The following PUDP variants were observed in gnomAD, a reference collection of about 807,000 sequenced individuals.
PUDP encodes pseudouridine-5'-phosphatase.
PUDP carries 8 observed loss-of-function variants against 9.4 expected under a neutral mutation model. That is an observed-to-expected ratio of 0.85 (90% CI 0.50 to 1.53). The LOEUF (loss-of-function observed/expected upper bound fraction) is 1.53. Among genes scored for constraint, PUDP ranks in the 40% most tolerant of loss-of-function variants. PUDP has a pLI of 0.00. For synonymous variants in PUDP, 99 were observed against 80.7 expected (o/e 1.23, Z -1.22); for missense variants, 188 against 189.7 (o/e 0.99, Z 0.05).
At chrX:6,815,014 T>C (rs188973700) in intron 3 of PUDP, among the ~76,000 whole-genome samples, 55 of 111,437 alleles carry the variant, frequency 4.9e-4, no homozygotes, top group Non-Finnish European at 8.8e-4. Flanking sequence ...ATATAGACAC[T>C]TTTTCTTGTT....
intron 1 of PUDP, among the ~76,000 whole-genome samples, chrX:7,011,129 T>C (rs769070352): frequency 1.7e-4 from 19 of 112,194 alleles, no homozygotes; most frequent in Non-Finnish European, 3.2e-4. Flanking sequence ...AGATATTGAG[T>C]ACATTTCTCC....
intron 1 of PUDP, chrX:7,117,061 G>A (rs986076416): frequency 1.6e-5 from 19 of 1,162,118 alleles, no homozygotes; most frequent in Admixed American, 2.6e-5. Flanking sequence ...CAATTAAACC[G>A]TTGTTCTTCT....
chrX:7,006,997 C>T (rs1369354614), intron 1 of PUDP, among the ~76,000 whole-genome samples: 1 of 111,575 alleles, frequency 9.0e-6, no homozygotes, highest in Admixed American at 9.5e-5. Flanking sequence ...TTTCCCCATG[C>T]TACTGAAATG....
At chrX:6,729,844 C>A (rs61497898) in intron 3 of PUDP, among the ~76,000 whole-genome samples, 1 of 110,100 alleles carries the variant, frequency 9.1e-6, no homozygotes, top group Non-Finnish European at 1.9e-5. Flanking sequence ...TCTTACGTGC[C>A]CACCTTATCT....
intron 1 of PUDP, among the ~76,000 whole-genome samples, chrX:7,146,892 C>G (rs1425144918): frequency 1.0e-5 from 1 of 98,713 alleles, no homozygotes; most frequent in African/African-American, 3.8e-5. Flanking sequence ...TCCTAACTTG[C>G]AGGGTTTTGA....
At chrX:6,734,276 T>C (rs1176340448) in intron 3 of PUDP, among the ~76,000 whole-genome samples, 2 of 111,956 alleles carry the variant, frequency 1.8e-5, no homozygotes, top group African/African-American at 3.2e-5. Flanking sequence ...AGATCTCTTA[T>C]GCAGCAAGGT....
At chrX:6,858,921 G>A (rs1926955892) in intron 3 of PUDP, among the ~76,000 whole-genome samples, 1 of 111,728 alleles carries the variant, frequency 9.0e-6, no homozygotes, top group African/African-American at 3.3e-5. Context: ...ATATGACTTG[G>A]CTGTGTTCCT....
chrX:6,897,855 G>T (rs1927615210), intron 3 of PUDP, among the ~76,000 whole-genome samples: 1 of 111,369 alleles, frequency 9.0e-6, no homozygotes, highest in African/African-American at 3.3e-5. Context: ...CCTTAGGGGT[G>T]AGGATTTCAA....
At chrX:7,012,446 TAG>T (rs1254827699) in intron 1 of PUDP, among the ~76,000 whole-genome samples, 2 of 112,053 alleles carry the variant, frequency 1.8e-5, no homozygotes, top group Non-Finnish European at 3.8e-5. Flanking sequence ...TCCACAAGGA[TAG>T]AGAGTTCTTT....
At chrX:6,843,217 C>G (rs962708187) in intron 3 of PUDP, among the ~76,000 whole-genome samples, 1 of 112,406 alleles carries the variant, frequency 8.9e-6, no homozygotes, top group East Asian at 2.8e-4. Flanking sequence ...AACAGGGGCA[C>G]CCTGGCTCTA....
chrX:7,058,170 C>T (rs1930301224), intron 3 of PUDP, among the ~76,000 whole-genome samples: 2 of 112,125 alleles, frequency 1.8e-5, no homozygotes, highest in Non-Finnish European at 3.8e-5. Context: ...CTTGGGATCA[C>T]ATTTCGTAAC....
intron 1 of PUDP, among the ~76,000 whole-genome samples, chrX:6,712,863 C>T (rs1395857282): frequency 9.0e-6 from 1 of 111,275 alleles, no homozygotes; most frequent in Non-Finnish European, 1.9e-5. Flanking sequence ...GCCTGGCCAA[C>T]ATGGTGTGAC....
intron 3 of PUDP, among the ~76,000 whole-genome samples, chrX:6,761,914 C>T (rs1397918698): frequency 1.8e-5 from 2 of 112,184 alleles, no homozygotes; most frequent in African/African-American, 6.5e-5. Context: ...TGGCCAGGCG[C>T]AGTGGCTCAT....
chrX:6,889,608 T>C (rs947121972), intron 3 of PUDP, among the ~76,000 whole-genome samples: 1 of 112,352 alleles, frequency 8.9e-6, no homozygotes, highest in Non-Finnish European at 1.9e-5. Context: ...AGTTGTTGGA[T>C]TGATGAATGA....
Position 7,050,113 on chromosome X carries a change from G to T in PUDP, c.*183C>A, listed in dbSNP as rs1038990604. ...CTCTACTGTATTTTTTGTCTCAACC[G>T]TCAAGTCACATTTTATCAACACGTT... is the stretch of plus-strand genomic sequence containing the variant. On this transcript the variant is annotated 3_prime_UTR_variant, in exon 4 of 4. Transcript: ENST00000381077. 2.9e-5 allele frequency: 12 copies of T among 420,134 alleles called. No individual in the cohort carries two copies. The East Asian group carries it at 4.8e-4, about 17-fold the overall frequency. 34.6% of individuals were successfully genotyped at this position (420,134 alleles called of 1,213,427 possible). A position where few individuals can be genotyped will look rare whatever the true frequency, so the allele number is the denominator to read the frequency against.
At chrX:7,005,678 G>C (rs1298270461) in intron 1 of PUDP, among the ~76,000 whole-genome samples, 1 of 111,319 alleles carries the variant, frequency 9.0e-6, no homozygotes, top group Non-Finnish European at 1.9e-5. Context: ...AAAGTGCTGG[G>C]ACTACAGGTA....
chrX:6,950,057 G>C (rs964169245), intron 3 of PUDP, among the ~76,000 whole-genome samples: 4 of 111,248 alleles, frequency 3.6e-5, no homozygotes, highest in Non-Finnish European at 5.7e-5. Context: ...ATGGAGTCAG[G>C]CTGGGTGTGG....
chrX:6,940,126 A>G (rs974295821), intron 3 of PUDP, among the ~76,000 whole-genome samples: 1 of 112,987 alleles, frequency 8.9e-6, no homozygotes, highest in African/African-American at 3.2e-5. Flanking sequence ...GTAAAATAAG[A>G]ATCTTCAAAA....
chrX:6,836,084 TATA>T (rs924840414), intron 3 of PUDP, among the ~76,000 whole-genome samples: 16 of 111,415 alleles, frequency 1.4e-4, no homozygotes, highest in East Asian at 8.3e-4. Context: ...TTACCTGCAC[TATA>T]ATAAGTTGTA....
Sources: gnomAD v4.1 joint callset for allele counts (sites outside exome capture counted in the v4.1 genomes callset) on GRCh38, gnomAD v4.1.1 for gene constraint, MANE v1.5 for transcripts, NCBI Gene and HGNC (gene_info 2026-07-23, HGNC 2026-07-21) for gene names.